FOCAD: variants seen among roughly 807,000 people sequenced by gnomAD.
The protein encoded by FOCAD is focadhesin.
In FOCAD, 198 loss-of-function variants were observed where a neutral mutation model predicts 225.6. The ratio of observed to expected loss-of-function variants is 0.88; its 90% CI spans 0.78 to 0.99. The LOEUF (loss-of-function observed/expected upper bound fraction) is 0.99, where lower values mean the gene tolerates loss of function less well. FOCAD is among the 50% of genes least tolerant of loss of function. The pLI is 0.00. For synonymous variants in FOCAD, 897 were observed against 755.0 expected (o/e 1.19, Z -3.08); for missense variants, 2,713 against 2,123.6 (o/e 1.28, Z -5.46).
intron 15 of FOCAD, among the ~76,000 whole-genome samples, chr9:20,830,047 G>C (rs1169553911): frequency 6.6e-6 from 1 of 152,022 alleles, no homozygotes; most frequent in Non-Finnish European, 1.5e-5. Context: ...CTAAAATGTA[G>C]TAGTCAGGAC....
At chr9:20,982,897 T>C (rs1840826836) in intron 39 of FOCAD, among the ~76,000 whole-genome samples, 1 of 152,244 alleles carries the variant, frequency 6.6e-6, no homozygotes, top group Admixed American at 6.5e-5. Flanking sequence ...AGATCAATAA[T>C]GAATCATTTC....
chr9:20,797,244 G>C (rs10811406), intron 11 of FOCAD, among the ~76,000 whole-genome samples: 30,105 of 152,106 alleles, frequency 0.2, 3,228 homozygotes, highest in Non-Finnish European at 0.25. Flanking sequence ...TTGAAGTCAG[G>C]TAGCATGATG....
intron 1 of FOCAD, among the ~76,000 whole-genome samples, chr9:20,699,737 CAAAAAAAAAAAAAAAAAAAAAAAAA>C (rs71334546): frequency 1.6e-3 from 63 of 40,550 alleles, no homozygotes; most frequent in South Asian, 3.1e-3. Flanking sequence ...GACTCCGTCT[CAAAAAAAAAAAAAAAAAAAAAAAAA>C]AAAAAAAAAA....
intron 15 of FOCAD, among the ~76,000 whole-genome samples, chr9:20,837,336 T>C (rs995257834): frequency 7.2e-5 from 11 of 152,040 alleles, no homozygotes; most frequent in African/African-American, 2.7e-4. Flanking sequence ...GGGCATTCTT[T>C]AAAAGATCAA....
chr9:20,789,871 A>G (rs1820342896), intron 11 of FOCAD, among the ~76,000 whole-genome samples: 1 of 152,010 alleles, frequency 6.6e-6, no homozygotes, highest in African/African-American at 2.4e-5. Flanking sequence ...GGTTCTTCCA[A>G]TTTTTTGGTG....
intron 11 of FOCAD, among the ~76,000 whole-genome samples, chr9:20,803,181 T>G (rs1217252977): frequency 1.3e-5 from 2 of 152,102 alleles, no homozygotes; most frequent in Non-Finnish European, 2.9e-5. Flanking sequence ...AGATGCCTTG[T>G]TTTTAGGAAA....
chr9:20,681,067 CAT>C (rs1211833168), upstream of FOCAD, among the ~76,000 whole-genome samples: 1 of 152,162 alleles, frequency 6.6e-6, no homozygotes, highest in Non-Finnish European at 1.5e-5. Flanking sequence ...AGCAATTAGT[CAT>C]ATGACATTGA....
intron 1 of FOCAD, among the ~76,000 whole-genome samples, chr9:20,697,545 C>A (rs1823476630): frequency 6.6e-6 from 1 of 152,234 alleles, no homozygotes; most frequent in Non-Finnish European, 1.5e-5. Context: ...GCTTCCATCT[C>A]AAGGTTATTC....
chr9:20,882,182 A>G (rs1830726423), intron 20 of FOCAD, 126 bp downstream of exon 20: 1 of 802,356 alleles, frequency 1.2e-6, no homozygotes, highest in Admixed American at 2.7e-5. Context: ...GATAAATTAT[A>G]AAAATCATCG....
chr9:20,689,064 C>T (rs557492017), intron 1 of FOCAD, among the ~76,000 whole-genome samples: 30 of 152,026 alleles, frequency 2.0e-4, no homozygotes, highest in Non-Finnish European at 4.0e-4. Flanking sequence ...CCAGGAGGAG[C>T]TGAAAGATTG....
intron 2 of FOCAD, 132 bp from the exon 3 acceptor site, chr9:20,717,662 C>G: frequency 1.5e-6 from 1 of 657,524 alleles, no homozygotes; most frequent in Non-Finnish European, 2.6e-6. Flanking sequence ...ATGCCTTCTA[C>G]ATAGCACACA....
intron 40 of FOCAD, among the ~76,000 whole-genome samples, chr9:20,986,973 G>C (rs886712142): frequency 1.3e-5 from 2 of 152,136 alleles, no homozygotes; most frequent in African/African-American, 4.8e-5. Flanking sequence ...GCAATTTTTA[G>C]ACCGTTTTAG....
intron 29 of FOCAD, among the ~76,000 whole-genome samples, chr9:20,945,337 C>T (rs1042003235): frequency 2.0e-5 from 3 of 152,188 alleles, no homozygotes; most frequent in African/African-American, 7.2e-5. Context: ...TGTGTCATGC[C>T]TGTCTCTATT....
intron 5 of FOCAD, among the ~76,000 whole-genome samples, chr9:20,754,368 T>G (rs2130862915): frequency 6.6e-6 from 1 of 152,330 alleles, no homozygotes; most frequent in South Asian, 2.1e-4. Flanking sequence ...TTATTCTATG[T>G]TTTCCAAAGG....
Position 20,747,577 on chromosome 9 carries a change from C to G in FOCAD, c.392+7237C>G, listed in dbSNP as rs753170080. Among the ~76,000 whole-genome samples the G allele has an allele frequency of 7.9e-5, 12 of 152,120 alleles. 1 individual carries two copies. The highest frequency in any genetic ancestry group is 1.5e-4 in the Non-Finnish European group (10 of 67,978). On this transcript the variant is annotated intron_variant, in intron 5 of 43. Coordinates refer to ENST00000338382, the MANE Select transcript of FOCAD (RefSeq NM_001375567.1). ...ATCACCCCAAAAAGAAACCTCATAC[C>G]CGTTATCAGTCATTCCCCAATACTC...
At chr9:20,773,874 C>T (rs1818484709) in intron 8 of FOCAD, among the ~76,000 whole-genome samples, 1 of 152,074 alleles carries the variant, frequency 6.6e-6, no homozygotes, top group Non-Finnish European at 1.5e-5. Context: ...CCCTTTAATA[C>T]AGTGGTCCCC....
At chr9:20,868,154 C>T (rs1353386618) in intron 18 of FOCAD, among the ~76,000 whole-genome samples, 2 of 152,024 alleles carry the variant, frequency 1.3e-5, no homozygotes, top group African/African-American at 4.8e-5. Context: ...CAGCAATACC[C>T]ATTGTTGCTT....
At position 20,758,267 on chromosome 9, in the gene FOCAD, T is replaced by TG. The variant is rs1554673610; in HGVS notation, c.494+76_494+77insG. On this transcript the variant is annotated intron_variant, in intron 6 of 43. Transcript: ENST00000338382. ...TGCTAATTTTAGAGCTAGGGTTTTT[T>TG]TTTGTTTGTTTGTTTCTTTTTAGCT... 6 of 1,015,498 alleles carry TG rather than the reference T, an allele frequency of 5.9e-6. No individual in the cohort carries two copies. The East Asian group carries it at 1.1e-4, about 19-fold the overall frequency. 62.9% of individuals were successfully genotyped at this position (1,015,498 alleles called of 1,614,324 possible). A position where few individuals can be genotyped will look rare whatever the true frequency, so the allele number is the denominator to read the frequency against.
At chr9:20,764,132 C>T (rs1341754083) in intron 6 of FOCAD, among the ~76,000 whole-genome samples, 1 of 152,124 alleles carries the variant, frequency 6.6e-6, no homozygotes, top group Non-Finnish European at 1.5e-5. Flanking sequence ...TCATAATCAT[C>T]TTGGGATGTT....
Sources: allele counts gnomAD v4.1 joint callset (sites outside exome capture counted in the v4.1 genomes callset), GRCh38; gene constraint gnomAD v4.1.1; transcripts MANE v1.5; gene names NCBI Gene and HGNC (gene_info 2026-07-23, HGNC 2026-07-21).